Variants in CIITA observed in about 807,000 individuals in gnomAD.
The protein encoded by CIITA is MHC class II transactivator.
Under a neutral mutation model 115.1 loss-of-function variants are expected in CIITA, and 72 were observed. The ratio of observed to expected loss-of-function variants is 0.63; its 90% CI spans 0.52 to 0.76. The LOEUF is 0.76. CIITA is among the 30% of genes least tolerant of loss of function. The pLI is 0.00. For synonymous variants in CIITA, 763 were observed against 635.6 expected, an observed-to-expected ratio of 1.20 and a Z score of -3.02; for missense variants, 1,617 against 1,463.8, an observed-to-expected ratio of 1.10 and a Z score of -1.71.
upstream of CIITA, among the ~76,000 whole-genome samples, chr16:10,876,121 C>T (rs957071660): frequency 1.3e-5 from 2 of 152,110 alleles, no homozygotes; most frequent in East Asian, 1.9e-4. Context: ...CATGCCATTG[C>T]ACTCTAGCCT....
chr16:10,914,261 A>C (rs2144934471), intron 13 of CIITA, among the ~76,000 whole-genome samples: 1 of 152,280 alleles, frequency 6.6e-6, no homozygotes, highest in African/African-American at 2.4e-5. Flanking sequence ...ATCAAGACTT[A>C]AGGGTGAAGG....
intron 1 of CIITA, among the ~76,000 whole-genome samples, chr16:10,885,400 C>A (rs1234050326): frequency 6.6e-6 from 1 of 152,190 alleles, no homozygotes; most frequent in Non-Finnish European, 1.5e-5. Flanking sequence ...GCCTTGAGGA[C>A]AAATGATCAG....
upstream of CIITA, among the ~76,000 whole-genome samples, chr16:10,876,380 G>C (rs1047133497): frequency 6.6e-6 from 1 of 152,192 alleles, no homozygotes; most frequent in Non-Finnish European, 1.5e-5. Context: ...AAAAACAGGA[G>C]GTAACCATTT....
chr16:10,902,836 C>A (rs1232687202), intron 8 of CIITA, 35 bp downstream of exon 8: 1 of 1,612,996 alleles, frequency 6.2e-7, no homozygotes, highest in Admixed American at 1.7e-5. Flanking sequence ...ACCACCTCTC[C>A]CTCCTACCTG....
In CIITA at chr16:10,920,797, C is replaced by T. The variant is rs908569964; in HGVS notation, c.3150-1370C>T. Among the ~76,000 whole-genome samples, 9 of 152,220 alleles carry T rather than the reference C, an allele frequency of 5.9e-5. No individual in the cohort carries two copies. The highest frequency in any genetic ancestry group is 1.7e-4 in the African/African-American group (7 of 41,460). ...GCAAAACCCCCATCTAGTTTCTGCA[C>T]TGGTACCGGCCGACCCGTGATGTGA... On this transcript the variant is annotated intron_variant, in intron 16 of 19. Transcript: ENST00000324288. This position sits in a 1 kb window ranked among gnomAD's most constrained non-coding sequence, Gnocchi z 4.5.
intron 7 of CIITA, among the ~76,000 whole-genome samples, 164 bp from the exon 8 acceptor site, chr16:10,902,494 C>G: frequency 6.6e-6 from 1 of 152,240 alleles, no homozygotes; most frequent in East Asian, 1.9e-4. Flanking sequence ...GCCAACTGCT[C>G]TGCTAGGTGC....
In CIITA at chr16:10,882,368, G is replaced by A. The variant is rs142550975; in HGVS notation, c.52+4986G>A. Among the ~76,000 whole-genome samples, 597 of 152,320 alleles carry A rather than the reference G, an allele frequency of 3.9e-3. 2 individuals carry two copies. The highest frequency in any genetic ancestry group is 6.9e-3 in the Non-Finnish European group (472 of 68,028). On this transcript the variant is annotated intron_variant, in intron 1 of 19. Transcript: ENST00000324288. The stretch of plus-strand genomic sequence containing the variant: ...TTGTAAAATCTATGCTGAGGGTCTG[G>A]TGACTACTAGACCAAGGGCATGGCA...
chr16:10,881,232 G>T (rs557047995), intron 1 of CIITA, among the ~76,000 whole-genome samples: 10 of 152,024 alleles, frequency 6.6e-5, no homozygotes, highest in Non-Finnish European at 1.2e-4. Flanking sequence ...GAGAGGTGGA[G>T]GTTACCCGAG....
intron 1 of CIITA, among the ~76,000 whole-genome samples, chr16:10,890,638 A>G (rs964946222): frequency 2.6e-5 from 4 of 152,172 alleles, no homozygotes; most frequent in Non-Finnish European, 5.9e-5. Flanking sequence ...CCCTTATGCA[A>G]AAGAACAGAA....
chr16:10,870,092 A>AG (rs5815602), intron 1 of CIITA, among the ~76,000 whole-genome samples: 112,489 of 148,438 alleles, frequency 0.76, 42,924 homozygotes, highest in African/African-American at 0.81. Context: ...AGAGAAGTTA[A>AG]TGATTTGCCT....
intron 1 of CIITA, among the ~76,000 whole-genome samples, chr16:10,893,139 G>C (rs763550773): frequency 2.0e-5 from 3 of 152,130 alleles, no homozygotes; most frequent in Non-Finnish European, 4.4e-5. Context: ...AGCAGCTAGA[G>C]GAGGCAAGGA....
Position 10,901,981 on chromosome 16 carries a change from C to G in CIITA, c.482-57C>G. The G allele has an allele frequency of 3.7e-6, 6 of 1,605,124 alleles. 1 individual carries two copies. The African/African-American group carries it at 5.3e-5, about 14-fold the overall frequency. On this transcript the variant is annotated intron_variant, in intron 6 of 19. Coordinates refer to ENST00000324288, the MANE Select transcript of CIITA (RefSeq NM_000246.4). This position sits in a 1 kb window ranked among gnomAD's most constrained non-coding sequence, Gnocchi z 6.8. Reference sequence around the variant, plus strand: ...ATCCATGCCACTCCAGGGCCCTCCCCATCCCAGGAAGGCCCCTCCAAGCAC... The same window carrying G: ...ATCCATGCCACTCCAGGGCCCTCCCGATCCCAGGAAGGCCCCTCCAAGCAC...
intron 1 of CIITA, among the ~76,000 whole-genome samples, chr16:10,884,708 C>G (rs963004496): frequency 1.3e-5 from 2 of 152,050 alleles, no homozygotes; most frequent in Non-Finnish European, 2.9e-5. Flanking sequence ...GGTGTGATCT[C>G]AGACAGCTTA....
chr16:10,913,942 A>AAAATAAATAAATAAATAAAT (rs59779472), intron 13 of CIITA, among the ~76,000 whole-genome samples: 17,937 of 132,810 alleles, frequency 0.14, 1,298 homozygotes, highest in Middle Eastern at 0.23. Context: ...CCCCATCTCA[A>AAAATAAATAAATAAATAAAT]AAATAAATAA....
intron 14 of CIITA, 23 bp from the exon 15 acceptor site, chr16:10,916,344 C>G: frequency 6.2e-7 from 1 of 1,610,098 alleles, no homozygotes; most frequent in Non-Finnish European, 8.5e-7. Flanking sequence ...TAGCTGATGG[C>G]CCCCATCTGA....
At chr16:10,905,950 G>T (rs550025918) in intron 10 of CIITA, among the ~76,000 whole-genome samples, 1 of 152,106 alleles carries the variant, frequency 6.6e-6, no homozygotes, top group African/African-American at 2.4e-5. Context: ...ACTTTGGGAG[G>T]CCAAGGCGGA....
In CIITA at chr16:10,929,610, A is replaced by T; in HGVS notation, c.*5755A>T. ...ATTAGCACGGAAGCCCCACCCTGCC[A>T]CCAGGTTGGCTGGGGACAGGGACCA... is the stretch of plus-strand genomic sequence containing the variant. On this transcript the variant is annotated 3_prime_UTR_variant, in exon 20 of 20. Coordinates refer to ENST00000324288, the MANE Select transcript of CIITA (RefSeq NM_000246.4). This position sits in a 1 kb window ranked among gnomAD's most constrained non-coding sequence, Gnocchi z 4.3. The T allele has an allele frequency of 1.5e-5, 15 of 976,584 alleles. No individual in the cohort carries two copies. Among genetic ancestry groups the T allele is most frequent in the Non-Finnish European group, 1.8e-5 (15 of 821,940 alleles). 60.5% of individuals were successfully genotyped at this position (976,584 alleles called of 1,614,324 possible).
At chr16:10,913,278 T>TCTTTCTTTCCCTC (rs2039707070) in intron 13 of CIITA, among the ~76,000 whole-genome samples, 3 of 45,428 alleles carry the variant, frequency 6.6e-5, no homozygotes, top group Admixed American at 5.0e-4. Flanking sequence ...TTCCCTCCTT[T>TCTTTCTTTCCCTC]CTTTCTTTCT....
At chr16:10,880,655 G>T (rs924240727) in intron 1 of CIITA, among the ~76,000 whole-genome samples, 11 of 152,204 alleles carry the variant, frequency 7.2e-5, no homozygotes, top group African/African-American at 2.7e-4. Context: ...GATGGCTGGG[G>T]CTTGGTTTCA....
Sources: allele counts gnomAD v4.1 joint callset (sites outside exome capture counted in the v4.1 genomes callset), GRCh38; gene constraint gnomAD v4.1.1; non-coding constraint Gnocchi (gnomAD v3.1); transcripts MANE v1.5; gene names NCBI Gene and HGNC (gene_info 2026-07-23, HGNC 2026-07-21).